KCNMA1: variants seen among roughly 807,000 people sequenced by gnomAD.
KCNMA1 encodes Calcium-activated potassium channel subunit alpha-1.
A neutral mutation model predicts 140.0 loss-of-function variants in KCNMA1; 29 were observed. That is an observed-to-expected ratio of 0.21 (90% CI 0.15 to 0.28). The LOEUF (loss-of-function observed/expected upper bound fraction) is 0.28, where lower values mean the gene tolerates loss of function less well. Ranked by LOEUF, KCNMA1 falls within the 10% of genes least tolerant of loss-of-function variation. The pLI is 1.00. For synonymous variants in KCNMA1, 612 were observed against 611.9 expected, an observed-to-expected ratio of 1.00 and a Z score of 0.00; for missense variants, 880 against 1,602.2, an observed-to-expected ratio of 0.55 and a Z score of 7.70.
chr10:77,381,265 AAAAT>A (rs1234168188), intron 2 of KCNMA1, among the ~76,000 whole-genome samples: 3 of 152,326 alleles, frequency 2.0e-5, no homozygotes, highest in Admixed American at 1.3e-4. Context: ...GATGATAAGT[AAAAT>A]AAATAAAGTA....
intron 5 of KCNMA1, among the ~76,000 whole-genome samples, chr10:77,152,278 T>TTGTGTGTGTGTGTG (rs72088425): frequency 0.059 from 5,863 of 98,962 alleles, 155 homozygotes; most frequent in Admixed American, 0.099. Context: ...TTTTTTGCTT[T>TTGTGTGTGTGTGTG]TGTGTGTGTG....
At chr10:77,582,760 TC>T (rs1316558167) in intron 1 of KCNMA1, among the ~76,000 whole-genome samples, 3 of 152,228 alleles carry the variant, frequency 2.0e-5, no homozygotes, top group Admixed American at 2.0e-4. Context: ...TCGGGGGACT[TC>T]TTGACCTTGG....
intron 23 of KCNMA1, among the ~76,000 whole-genome samples, chr10:76,917,730 T>C (rs2053560679): frequency 6.6e-6 from 1 of 152,220 alleles, no homozygotes; most frequent in African/African-American, 2.4e-5. Context: ...CCTACTTTTC[T>C]AGTCACACAT....
At position 77,025,337 on chromosome 10, in the gene KCNMA1, C is replaced by CAT. The variant is rs878973102; in HGVS notation, c.1928+2484_1928+2485dup. ...AGACAAGGGAATGAGATTATATATACATATATATAATCTCTCTCTTCTTGA... is the reference window on the plus strand; with the variant it reads ...AGACAAGGGAATGAGATTATATATACATATATATATAATCTCTCTCTTCTTGA... On this transcript the variant is annotated intron_variant, in intron 16 of 27. Transcript: ENST00000286628. 4.1e-4 allele frequency: 270 copies of CAT among 657,062 alleles called. 4 individuals carry two copies. The South Asian group carries it at 4.7e-3, about 11-fold the overall frequency. 40.7% of individuals were successfully genotyped at this position (657,062 alleles called of 1,614,324 possible).
chr10:77,288,499 T>C (rs2071862000), intron 2 of KCNMA1, among the ~76,000 whole-genome samples: 1 of 152,212 alleles, frequency 6.6e-6, no homozygotes. Flanking sequence ...CTGGTATCTG[T>C]CAGTAGCTTT....
intron 1 of KCNMA1, among the ~76,000 whole-genome samples, chr10:77,457,024 T>C (rs1290845361): frequency 6.6e-6 from 1 of 152,184 alleles, no homozygotes; most frequent in South Asian, 2.1e-4. Flanking sequence ...AATCTGAAGA[T>C]ATCAACTTTC....
chr10:77,471,183 TAC>T (rs1754217771), intron 1 of KCNMA1, among the ~76,000 whole-genome samples: 1 of 112,136 alleles, frequency 8.9e-6, no homozygotes, highest in Non-Finnish European at 1.9e-5. Flanking sequence ...CAACACACAA[TAC>T]ACACCACACA....
At chr10:76,910,499 C>A in intron 24 of KCNMA1, 1 of 294,060 alleles carries the variant, frequency 3.4e-6, no homozygotes, top group South Asian at 3.5e-5. Context: ...ATTTTAGCCA[C>A]AATGAAAAGA....
chr10:77,350,502 ATC>A (rs1390878134), intron 2 of KCNMA1: 1 of 152,216 alleles, frequency 6.6e-6, no homozygotes, highest in Non-Finnish European at 1.5e-5. Context: ...TCACAGCAGA[ATC>A]TCTGAGTGGA....
At chr10:77,175,384 T>A (rs994955117) in intron 5 of KCNMA1, among the ~76,000 whole-genome samples, 1 of 152,236 alleles carries the variant, frequency 6.6e-6, no homozygotes, top group Admixed American at 6.5e-5. Context: ...GCATAGTGCC[T>A]ACTTTTAATA....
chr10:76,987,376 G>T (rs1401311000), intron 19 of KCNMA1, among the ~76,000 whole-genome samples: 1 of 152,158 alleles, frequency 6.6e-6, no homozygotes, highest in Non-Finnish European at 1.5e-5. Context: ...GCTTCACAGA[G>T]ATGGCAGTAC....
intron 2 of KCNMA1, among the ~76,000 whole-genome samples, chr10:77,256,715 G>A (rs1279088062): frequency 6.6e-6 from 1 of 152,114 alleles, no homozygotes; most frequent in Non-Finnish European, 1.5e-5. Context: ...CTGCATGTTT[G>A]ATCAGGGTTT....
At chr10:77,491,055 A>C (rs1339019254) in intron 1 of KCNMA1, among the ~76,000 whole-genome samples, 1 of 152,198 alleles carries the variant, frequency 6.6e-6, no homozygotes, top group Non-Finnish European at 1.5e-5. Context: ...AGATGGAGAC[A>C]CTGAGGTCCA....
chr10:77,592,283 C>T (rs775846469), intron 1 of KCNMA1, among the ~76,000 whole-genome samples: 17 of 152,098 alleles, frequency 1.1e-4, no homozygotes, highest in Non-Finnish European at 1.6e-4. Flanking sequence ...TAAGGAAAGA[C>T]GAGTCACAAA....
At chr10:77,500,617 G>C (rs2043519305) in intron 1 of KCNMA1, among the ~76,000 whole-genome samples, 1 of 152,146 alleles carries the variant, frequency 6.6e-6, no homozygotes, top group South Asian at 2.1e-4. Context: ...AATCCAAAGT[G>C]AGTATCTAAA....
chr10:77,006,061 G>T (rs1460181540), intron 18 of KCNMA1, among the ~76,000 whole-genome samples: 1 of 152,132 alleles, frequency 6.6e-6, no homozygotes. Context: ...AGCCAAGCCT[G>T]GAATGGAAGG....
intron 1 of KCNMA1, among the ~76,000 whole-genome samples, chr10:77,459,524 C>T (rs2097821034): frequency 6.6e-6 from 1 of 152,218 alleles, no homozygotes; most frequent in South Asian, 2.1e-4. Flanking sequence ...TAGGTGTTGC[C>T]TCCAAGAACT....
chr10:77,128,079 C>T (rs541709508), intron 5 of KCNMA1, among the ~76,000 whole-genome samples: 1 of 152,154 alleles, frequency 6.6e-6, no homozygotes, highest in South Asian at 2.1e-4. Context: ...ACAAATGAAG[C>T]TAATTATTTT....
chr10:76,899,586 G>A (rs2044160744), intron 25 of KCNMA1, among the ~76,000 whole-genome samples: 2 of 152,256 alleles, frequency 1.3e-5, no homozygotes, highest in Admixed American at 6.5e-5. Context: ...CAAACTCAGA[G>A]TTAAGTAGTT....
Sources: gnomAD v4.1 joint callset for allele counts (sites outside exome capture counted in the v4.1 genomes callset) on GRCh38, gnomAD v4.1.1 for gene constraint, MANE v1.5 for transcripts, NCBI Gene and HGNC (gene_info 2026-07-23, HGNC 2026-07-21) for gene names.